The following MTUS2 variants were observed in gnomAD, a reference collection of about 807,000 sequenced individuals.
MTUS2 encodes microtubule associated scaffold protein 2, also known as microtubule-associated tumor suppressor candidate 2.
Under a neutral mutation model 114.1 loss-of-function variants are expected in MTUS2, and 40 were observed. That is an observed-to-expected ratio of 0.35 (90% CI 0.27 to 0.46). The LOEUF is 0.46. MTUS2 is among the 20% of genes least tolerant of loss of function. MTUS2 has a pLI of 1.00. For missense variants in MTUS2, 1,679 were observed against 1,705.4 expected (o/e 0.98, Z 0.27); for synonymous variants, 688 against 672.0 (o/e 1.02, Z -0.37).
intron 5 of MTUS2, among the ~76,000 whole-genome samples, chr13:29,165,245 C>T (rs1251281627): frequency 6.6e-6 from 1 of 152,170 alleles, no homozygotes; most frequent in Non-Finnish European, 1.5e-5. Context: ...CAGGGCCATC[C>T]TTCCCTCCAT....
intron 6 of MTUS2, among the ~76,000 whole-genome samples, chr13:29,322,319 T>TGAAGGAAAA (rs1900287071): frequency 1.3e-5 from 2 of 151,988 alleles, no homozygotes; most frequent in Non-Finnish European, 2.9e-5. Context: ...CAAAGCCAAG[T>TGAAGGAAAA]GAAGGAAAAG....
chr13:29,376,992 G>A (rs577269445), intron 8 of MTUS2, among the ~76,000 whole-genome samples: 1 of 152,160 alleles, frequency 6.6e-6, no homozygotes, highest in South Asian at 2.1e-4. Flanking sequence ...AGAAGAAGAA[G>A]TATGATAGAA....
intron 5 of MTUS2, among the ~76,000 whole-genome samples, chr13:29,223,575 C>T (rs1453106700): frequency 1.3e-5 from 2 of 152,216 alleles, no homozygotes; most frequent in African/African-American, 2.4e-5. Context: ...GATGTTCTGA[C>T]ACTCAATAAA....
intron 2 of MTUS2, among the ~76,000 whole-genome samples, chr13:28,990,869 C>T (rs796447387): frequency 6.6e-5 from 10 of 152,098 alleles, no homozygotes; most frequent in African/African-American, 1.9e-4. Flanking sequence ...CGAGGGTCTG[C>T]GGCTTCATTC....
At chr13:29,481,557 C>T (rs572917484) in intron 10 of MTUS2, among the ~76,000 whole-genome samples, 19 of 152,122 alleles carry the variant, frequency 1.2e-4, no homozygotes, top group Non-Finnish European at 2.1e-4. Flanking sequence ...AGGTTAGTGT[C>T]GAGTGGCCTT....
At chr13:29,438,249 A>G (rs1286614020) in intron 8 of MTUS2, among the ~76,000 whole-genome samples, 1 of 152,182 alleles carries the variant, frequency 6.6e-6, no homozygotes, top group African/African-American at 2.4e-5. Flanking sequence ...GTAGTTGTTA[A>G]CTCTGAAATT....
chr13:29,032,064 T>C (rs1260750554), intron 3 of MTUS2, among the ~76,000 whole-genome samples: 1 of 152,124 alleles, frequency 6.6e-6, no homozygotes, highest in Non-Finnish European at 1.5e-5. Context: ...CCAAACGTTG[T>C]TTTATGACTG....
intron 2 of MTUS2, among the ~76,000 whole-genome samples, chr13:28,847,858 C>T (rs1025520299): frequency 3.3e-5 from 5 of 152,100 alleles, no homozygotes; most frequent in South Asian, 4.2e-4. Context: ...TGGGCGCCAA[C>T]GTTATGCAAA....
chr13:28,964,318 C>T (rs189831659), intron 2 of MTUS2, among the ~76,000 whole-genome samples: 112 of 152,294 alleles, frequency 7.4e-4, no homozygotes, highest in Middle Eastern at 6.8e-3. Context: ...CTCACTGCTC[C>T]TACTCTAGTC....
chr13:29,168,416 C>T (rs568983716), intron 5 of MTUS2, among the ~76,000 whole-genome samples: 2 of 152,272 alleles, frequency 1.3e-5, no homozygotes, highest in African/African-American at 4.8e-5. Flanking sequence ...GATTTTACAA[C>T]CTAGCAGTCA....
chr13:29,057,098 A>G (rs1888168830), intron 4 of MTUS2, among the ~76,000 whole-genome samples: 1 of 152,002 alleles, frequency 6.6e-6, no homozygotes, highest in Non-Finnish European at 1.5e-5. Flanking sequence ...TTTAATTTCC[A>G]TGTAATTGTA....
At position 28,838,390 on chromosome 13, in the gene MTUS2, T is replaced by G. The variant is rs116681199; in HGVS notation, c.-315-1388T>G. Among the ~76,000 whole-genome samples the G allele has an allele frequency of 4.6e-3, 702 of 152,318 alleles. 6 individuals carry two copies. The highest frequency in any genetic ancestry group is 0.016 in the African/African-American group (681 of 41,560). The stretch of plus-strand genomic sequence containing the variant: ...TGTGTTGGGGTGGTTGTGATGCTGT[T>G]GTGCTGGTGGTGGTAGTTGTGGTAG... On this transcript the variant is annotated intron_variant, in intron 1 of 15. Transcript: ENST00000612955.
intron 2 of MTUS2, among the ~76,000 whole-genome samples, chr13:28,985,274 A>G (rs1884528975): frequency 6.6e-6 from 1 of 152,228 alleles, no homozygotes; most frequent in Non-Finnish European, 1.5e-5. Context: ...CTGTATATGC[A>G]TGCTACACAA....
At chr13:29,046,723 C>G (rs1275246892) in intron 4 of MTUS2, among the ~76,000 whole-genome samples, 2 of 106,848 alleles carry the variant, frequency 1.9e-5, no homozygotes, top group South Asian at 7.6e-4. Flanking sequence ...AGTACCCCTC[C>G]CCCACCTCCT....
intron 2 of MTUS2, among the ~76,000 whole-genome samples, chr13:28,898,997 T>C (rs1160141070): frequency 6.6e-6 from 1 of 152,168 alleles, no homozygotes; most frequent in African/African-American, 2.4e-5. Context: ...CCTCCCACCT[T>C]TTTTCAGTGT....
chr13:29,011,429 T>C (rs1030794592), intron 2 of MTUS2, among the ~76,000 whole-genome samples: 1 of 152,234 alleles, frequency 6.6e-6, no homozygotes, highest in African/African-American at 2.4e-5. Context: ...AAAAATACTC[T>C]TAAATTTTGT....
intron 5 of MTUS2, among the ~76,000 whole-genome samples, chr13:29,215,851 G>T (rs771232273): frequency 5.3e-5 from 8 of 152,180 alleles, no homozygotes; most frequent in Non-Finnish European, 1.2e-4. Context: ...GGAGGCACGG[G>T]GGTCAGGGAT....
At chr13:29,220,920 G>A (rs1895881552) in intron 5 of MTUS2, among the ~76,000 whole-genome samples, 1 of 152,236 alleles carries the variant, frequency 6.6e-6, no homozygotes, top group Non-Finnish European at 1.5e-5. Flanking sequence ...AGGCATGCCT[G>A]TGTAGTGTTC....
In MTUS2 at chr13:29,480,110, C is replaced by A; in HGVS notation, c.3185-40C>A. 2 of 1,546,366 alleles carry A rather than the reference C, an allele frequency of 1.3e-6. No homozygotes were observed. Among genetic ancestry groups the A allele is most frequent in the Non-Finnish European group, 1.7e-6 (2 of 1,143,234 alleles). On this transcript the variant is annotated intron_variant, in intron 9 of 15. Transcript: ENST00000612955. This position sits in a 1 kb window ranked among gnomAD's most constrained non-coding sequence, Gnocchi z 4.4. ...GGCTGAGTCCTTCCCATGCCTCCTA[C>A]GGCCATTTTTTAAAGAAAGATCTTG... is the stretch of plus-strand genomic sequence containing the variant.
Sources: gnomAD v4.1 joint callset for allele counts (sites outside exome capture counted in the v4.1 genomes callset) on GRCh38, gnomAD v4.1.1 for gene constraint, Gnocchi (gnomAD v3.1) non-coding constraint, MANE v1.5 for transcripts, NCBI Gene and HGNC (gene_info 2026-07-23, HGNC 2026-07-21) for gene names.